The following BIRC2 variants were observed in gnomAD, a reference collection of about 807,000 sequenced individuals.
BIRC2 encodes baculoviral IAP repeat containing 2.
Under a neutral mutation model 60.9 loss-of-function variants are expected in BIRC2, and 18 were observed. The observed-to-expected ratio is 0.30, with a 90% CI of 0.20 to 0.44. The LOEUF (loss-of-function observed/expected upper bound fraction) is 0.44, where lower values mean the gene tolerates loss of function less well. Ranked by LOEUF, BIRC2 falls within the 20% of genes least tolerant of loss-of-function variation. The pLI is 1.00. For synonymous variants in BIRC2, 282 were observed against 247.7 expected, an observed-to-expected ratio of 1.14 and a Z score of -1.30; for missense variants, 701 against 728.5, an observed-to-expected ratio of 0.96 and a Z score of 0.43.
At chr11:102,354,390 G>A (rs1351507119) in intron 3 of BIRC2, among the ~76,000 whole-genome samples, 3 of 152,106 alleles carry the variant, frequency 2.0e-5, no homozygotes, top group African/African-American at 4.8e-5. Flanking sequence ...CTCTGTTTTT[G>A]TAGAGACGGG....
chr11:102,363,271 A>T (rs547261694), intron 4 of BIRC2, among the ~76,000 whole-genome samples: 1 of 152,292 alleles, frequency 6.6e-6, no homozygotes, highest in South Asian at 2.1e-4. Context: ...AAAATCATTT[A>T]TGCTGCCACT....
intron 3 of BIRC2, among the ~76,000 whole-genome samples, chr11:102,351,444 G>A (rs908670492): frequency 2.6e-5 from 4 of 151,936 alleles, no homozygotes; most frequent in Admixed American, 1.3e-4. Flanking sequence ...GTGAAACCCC[G>A]TATGTACTAA....
At chr11:102,353,508 C>T (rs1485376406) in intron 3 of BIRC2, among the ~76,000 whole-genome samples, 1 of 151,542 alleles carries the variant, frequency 6.6e-6, no homozygotes. Context: ...AGTAGAGACG[C>T]AGTTTCGCTA....
intron 4 of BIRC2, 85 bp downstream of exon 4, chr11:102,363,059 A>G: frequency 9.4e-7 from 1 of 1,068,598 alleles, no homozygotes; most frequent in South Asian, 1.5e-5. Context: ...AGTGATCATG[A>G]TTTTTGCCAT....
intron 3 of BIRC2, among the ~76,000 whole-genome samples, chr11:102,358,271 A>G (rs1951445559): frequency 6.6e-6 from 1 of 152,192 alleles, no homozygotes; most frequent in Non-Finnish European, 1.5e-5. Context: ...CCAAAATCCA[A>G]AATGTTCCAA....
rs773647072 is a variant in BIRC2, at chr11:102,350,503, A to C, written c.649A>C (p.Arg217=). ...TTTTTATTATATAGGACCTGGAGATAGGGTAGCCTGCTTTGCCTGTGGTGG... is the reference window on the plus strand; with the variant it reads ...TTTTTATTATATAGGACCTGGAGATCGGGTAGCCTGCTTTGCCTGTGGTGG... The part of the protein sequence containing the change: ...AGFYYIGPGD[R]VACFACGGKL... Residue 217 remains arginine, a synonymous_variant, in exon 2 of 9, where the codon AGG becomes CGG. Transcript: ENST00000227758. The C allele has an allele frequency of 1.2e-6, 2 of 1,614,208 alleles. No individual in the cohort carries two copies. The highest frequency in any genetic ancestry group is 1.7e-6 in the Non-Finnish European group (2 of 1,180,032).
At chr11:102,368,685 T>C in intron 6 of BIRC2, 137 bp downstream of exon 6, 1 of 1,230,696 alleles carries the variant, frequency 8.1e-7, no homozygotes, top group East Asian at 2.4e-5. Context: ...AAACCATCCC[T>C]CCTTTTCTAC....
intron 3 of BIRC2, among the ~76,000 whole-genome samples, chr11:102,351,840 T>TG (rs1286654143): frequency 1.3e-5 from 2 of 152,142 alleles, no homozygotes; most frequent in East Asian, 1.9e-4. Flanking sequence ...TATGTGAACT[T>TG]GGACGTTGTT....
chr11:102,368,683 C>T, intron 6 of BIRC2, 135 bp downstream of exon 6: 1 of 1,242,866 alleles, frequency 8.0e-7, no homozygotes, highest in Non-Finnish European at 1.1e-6. Flanking sequence ...CGAAACCATC[C>T]CTCCTTTTCT....
rs567554415 is a variant in BIRC2 at position 102,361,724 on chromosome 11, G to A, written c.996-1172G>A. On this transcript the variant is annotated intron_variant, in intron 3 of 8. Transcript: ENST00000227758. ...CTAGCAGTCTTTGCCACTGAGGACT[G>A]TAATGGCACTCACCACATGACTGAT... Among the ~76,000 whole-genome samples the A allele has an allele frequency of 5.3e-5, 8 of 152,254 alleles. No individual in the cohort carries two copies. In the South Asian group the frequency reaches 8.3e-4, roughly 16 times the overall value.
chr11:102,366,639 G>A (rs551118689), intron 5 of BIRC2, among the ~76,000 whole-genome samples: 1 of 152,088 alleles, frequency 6.6e-6, no homozygotes, highest in Admixed American at 6.6e-5. Flanking sequence ...AAAGTGCTGG[G>A]ATTACAGGCA....
chr11:102,367,743 T>G (rs988625301), intron 5 of BIRC2, among the ~76,000 whole-genome samples: 1 of 152,244 alleles, frequency 6.6e-6, no homozygotes, highest in Middle Eastern at 3.2e-3. Flanking sequence ...TAATTACTTC[T>G]GAAGCCATAC....
intron 6 of BIRC2, among the ~76,000 whole-genome samples, chr11:102,375,646 G>C (rs1175353566): frequency 2.6e-5 from 4 of 152,112 alleles, no homozygotes; most frequent in Non-Finnish European, 5.9e-5. Flanking sequence ...CGGGCATGGT[G>C]GCGGATGCCT....
intron 6 of BIRC2, among the ~76,000 whole-genome samples, chr11:102,372,459 G>A (rs1179858863): frequency 6.6e-6 from 1 of 152,152 alleles, no homozygotes; most frequent in Non-Finnish European, 1.5e-5. Context: ...GTTGTTCAGT[G>A]TCCATGTAGT....
In BIRC2 at chr11:102,377,867, T is replaced by A; in HGVS notation, c.1632T>A (p.Asn544Lys). 1 of 1,610,674 alleles carries A rather than the reference T, an allele frequency of 6.2e-7. No homozygotes were observed. Among genetic ancestry groups the A allele is most frequent in the Non-Finnish European group, 8.5e-7 (1 of 1,179,006 alleles). ...GTTTTCTTTCCTCAGTGGATAAGAA[T>A]ATGAAGTATATTCCAACAGAAGATG... ...TLYKNLFVDK[N>K]MKYIPTEDVS... The change falls in exon 8 of 9, where the codon AAT becomes AAA. Residue 544 changes from asparagine (N) to lysine (K), a missense_variant. Around this residue, in one of 4 missense-constraint regions of BIRC2, gnomAD observed 235 missense variants for 208.9 expected, o/e 1.12. Coordinates refer to ENST00000227758, the MANE Select transcript of BIRC2 (RefSeq NM_001166.5).
At chr11:102,354,825 G>A (rs766978727) in intron 3 of BIRC2, among the ~76,000 whole-genome samples, 8 of 151,788 alleles carry the variant, frequency 5.3e-5, no homozygotes, top group African/African-American at 1.7e-4. Flanking sequence ...GTTTTAATTT[G>A]CATTTCCCTG....
chr11:102,355,446 G>A (rs1951410084), intron 3 of BIRC2, among the ~76,000 whole-genome samples: 1 of 151,962 alleles, frequency 6.6e-6, no homozygotes, highest in South Asian at 2.1e-4. Flanking sequence ...TTATTTCTGG[G>A]CTCTCTGTTC....
chr11:102,355,569 G>GT (rs918815843), intron 3 of BIRC2, among the ~76,000 whole-genome samples: 4 of 151,204 alleles, frequency 2.6e-5, no homozygotes, highest in African/African-American at 9.7e-5. Flanking sequence ...TTTTTTGTTT[G>GT]TTTTTTCTCA....
chr11:102,351,021 A>G, intron 3 of BIRC2, 78 bp downstream of exon 3: 1 of 1,332,906 alleles, frequency 7.5e-7, no homozygotes, highest in Non-Finnish European at 1.1e-6. Context: ...GATTTTGTTT[A>G]CCTTTAAATT....
Sources: allele counts gnomAD v4.1 joint callset (sites outside exome capture counted in the v4.1 genomes callset), GRCh38; gene constraint gnomAD v4.1.1; regional missense constraint gnomAD v4.1.1; transcripts MANE v1.5; gene names NCBI Gene and HGNC (gene_info 2026-07-23, HGNC 2026-07-21).